The following PPP2R3A variants were observed in gnomAD, a reference collection of about 807,000 sequenced individuals.
PPP2R3A encodes protein phosphatase 2 regulatory subunit B''alpha.
Under a neutral mutation model 106.9 loss-of-function variants are expected in PPP2R3A, and 80 were observed. The ratio of observed to expected loss-of-function variants is 0.75; its 90% CI spans 0.62 to 0.90. The LOEUF is 0.90. PPP2R3A is among the 40% of genes least tolerant of loss of function. The pLI, the probability that PPP2R3A is intolerant of heterozygous loss-of-function variation, is 0.00. For synonymous variants in PPP2R3A, 483 were observed against 468.3 expected, an observed-to-expected ratio of 1.03 and a Z score of -0.41; for missense variants, 1,386 against 1,350.4, an observed-to-expected ratio of 1.03 and a Z score of -0.41.
chr3:136,144,362 T>A (rs1939011087), intron 13 of PPP2R3A, among the ~76,000 whole-genome samples: 1 of 152,132 alleles, frequency 6.6e-6, no homozygotes, highest in African/African-American at 2.4e-5. Context: ...ATCTGAGAGT[T>A]GAGAAAGTTT....
rs141025141 is a variant in PPP2R3A, at chr3:136,096,456, T to C, written c.2928-5551T>C. 2.7e-3 allele frequency among the ~76,000 whole-genome samples: 407 copies of C among 152,320 alleles called. 7 individuals carry two copies. The East Asian group carries it at 0.048, about 18-fold the overall frequency. ...GAGGTAGATATGGGAAGAATCTGGG[T>C]AGATTGTTTTCTGTGGACAAACTCT... On this transcript the variant is annotated intron_variant, in intron 10 of 13. Transcript: ENST00000264977.
intron 1 of PPP2R3A, among the ~76,000 whole-genome samples, chr3:135,998,154 G>A (rs1261832681): frequency 2.6e-5 from 4 of 152,088 alleles, no homozygotes; most frequent in East Asian, 3.9e-4. Context: ...CTTGTACTTC[G>A]GCATTCACTG....
In PPP2R3A at chr3:135,969,344, C is replaced by T. The variant is rs183418948; in HGVS notation, c.-441+3495C>T. Among the ~76,000 whole-genome samples, 139 of 151,920 alleles carry T rather than the reference C, an allele frequency of 9.1e-4. 2 individuals are homozygous for T. Among genetic ancestry groups the T allele is most frequent in the Admixed American group, 8.7e-3 (132 of 15,252 alleles). On this transcript the variant is annotated intron_variant, in intron 1 of 13. Coordinates refer to ENST00000264977, the MANE Select transcript of PPP2R3A (RefSeq NM_002718.5). The stretch of plus-strand genomic sequence containing the variant: ...ATATTCATGAGATATATTTAGGAGG[C>T]GTAATTGATAGGATTTGGTGGTTGA...
At chr3:136,018,913 A>T (rs1348027458) in intron 2 of PPP2R3A, among the ~76,000 whole-genome samples, 1 of 152,210 alleles carries the variant, frequency 6.6e-6, no homozygotes, top group Non-Finnish European at 1.5e-5. Flanking sequence ...GGAGAAAGAT[A>T]TATGGAATGG....
chr3:136,030,203 G>A (rs1934818942), intron 3 of PPP2R3A, among the ~76,000 whole-genome samples: 1 of 149,186 alleles, frequency 6.7e-6, no homozygotes, highest in Admixed American at 6.6e-5. Context: ...GGGTGACAGA[G>A]TGAGAACCTG....
intron 6 of PPP2R3A, 71 bp from the exon 7 acceptor site, chr3:136,078,295 TA>T: frequency 9.6e-7 from 1 of 1,040,540 alleles, no homozygotes; most frequent in Non-Finnish European, 1.5e-6. Context: ...AGTATGTTCA[TA>T]AAATGGCCTT....
intron 3 of PPP2R3A, among the ~76,000 whole-genome samples, chr3:136,028,540 C>G (rs1576445572): frequency 6.6e-6 from 1 of 152,232 alleles, no homozygotes; most frequent in African/African-American, 2.4e-5. Context: ...TAACTTCTAG[C>G]ACAGTGCTGT....
rs566327202 is a variant in PPP2R3A at position 136,011,033 on chromosome 3, C to T, written c.1995+7540C>T. On this transcript the variant is annotated intron_variant, in intron 2 of 13. Transcript: ENST00000264977. ...TTCCAGTTCCTCCTCTAGCCCTCCT[C>T]TTTCTAAATATACCAGACATATTCC... Among the ~76,000 whole-genome samples, 4 of 152,260 alleles carry T rather than the reference C, an allele frequency of 2.6e-5. No homozygotes were observed. In the East Asian group the frequency reaches 7.7e-4, roughly 29 times the overall value.
intron 6 of PPP2R3A, among the ~76,000 whole-genome samples, chr3:136,077,102 A>G (rs1489784681): frequency 2.6e-5 from 4 of 152,160 alleles, no homozygotes; most frequent in African/African-American, 9.7e-5. Context: ...TGGCAGTGGG[A>G]GCACAGAAGG....
Position 135,990,984 on chromosome 3 carries a change from A to G in PPP2R3A, c.-440-10075A>G, listed in dbSNP as rs16843602. 7.3e-3 allele frequency among the ~76,000 whole-genome samples: 1,115 copies of G among 152,018 alleles called. 12 individuals are homozygous for G. The highest frequency in any genetic ancestry group is 0.026 in the African/African-American group (1,092 of 41,470). On this transcript the variant is annotated intron_variant, in intron 1 of 13. Transcript: ENST00000264977. ...AGCCTGTCTTCAAACTTGAGACTCA[A>G]ATAATACCAAGTTCCTGCTAGCTCC...
chr3:136,068,320 A>G (rs961315595), intron 5 of PPP2R3A, among the ~76,000 whole-genome samples: 33 of 152,204 alleles, frequency 2.2e-4, no homozygotes, highest in Middle Eastern at 3.4e-3. Context: ...ATTATAACCC[A>G]TAGAATGAAA....
chr3:136,003,398 C>A lies in PPP2R3A; in HGVS notation c.1900C>A (p.Gln634Lys), dbSNP rs1559863347. ...ACAGGAAACCTTGACAACTTCCTCCCAGGCCAATTTATCAGTCTGTAGAAG... is the reference window on the plus strand; with the variant it reads ...ACAGGAAACCTTGACAACTTCCTCCAAGGCCAATTTATCAGTCTGTAGAAG... Reference protein sequence around the residue: ...ILQETLTTSSQANLSVCRSPV... With the variant: ...ILQETLTTSSKANLSVCRSPV... The change falls in exon 2 of 14, where the codon CAG becomes AAG. Residue 634 changes from glutamine (Q) to lysine (K), a missense_variant. Coordinates refer to ENST00000264977, the MANE Select transcript of PPP2R3A (RefSeq NM_002718.5). 6.2e-7 allele frequency: 1 copy of A among 1,613,850 alleles called. No homozygotes were observed. The highest frequency in any genetic ancestry group is 1.7e-5 in the Admixed American group (1 of 59,978).
chr3:136,045,136 C>T (rs1935428326), intron 4 of PPP2R3A, among the ~76,000 whole-genome samples: 1 of 152,208 alleles, frequency 6.6e-6, no homozygotes, highest in South Asian at 2.1e-4. Flanking sequence ...CCCTGTCCAC[C>T]AGCCCCTCCC....
intron 1 of PPP2R3A, among the ~76,000 whole-genome samples, chr3:135,989,990 T>G (rs1168042255): frequency 6.6e-6 from 1 of 152,214 alleles, no homozygotes; most frequent in African/African-American, 2.4e-5. Flanking sequence ...TGATCTTTGC[T>G]TTCCTCTTTG....
chr3:136,062,494 T>C (rs1403018163), intron 5 of PPP2R3A, among the ~76,000 whole-genome samples: 1 of 151,888 alleles, frequency 6.6e-6, no homozygotes, highest in Non-Finnish European at 1.5e-5. Context: ...GAGGCCAAGG[T>C]GTGCAGATCA....
At chr3:136,008,183 C>G (rs1400372897) in intron 2 of PPP2R3A, among the ~76,000 whole-genome samples, 1 of 152,204 alleles carries the variant, frequency 6.6e-6, no homozygotes, top group Non-Finnish European at 1.5e-5. Flanking sequence ...AAACACTTTT[C>G]TCTCTTTACT....
chr3:135,995,123 T>C (rs114777644), intron 1 of PPP2R3A, among the ~76,000 whole-genome samples: 1,857 of 152,292 alleles, frequency 0.012, 40 homozygotes, highest in African/African-American at 0.043. Context: ...AAACAGACTC[T>C]GGCCCTTTGT....
intron 5 of PPP2R3A, among the ~76,000 whole-genome samples, chr3:136,061,499 G>C (rs924607336): frequency 2.0e-5 from 3 of 152,106 alleles, no homozygotes; most frequent in African/African-American, 7.2e-5. Context: ...GTGGTGGCAC[G>C]TACCTACAGT....
rs759785232 is a variant in PPP2R3A at position 136,102,061 on chromosome 3, G to A, written c.2982G>A (p.Met994Ile). 2 of 1,614,008 alleles carry A rather than the reference G, an allele frequency of 1.2e-6. No homozygotes were observed. The highest frequency in any genetic ancestry group is 1.7e-6 in the Non-Finnish European group (2 of 1,179,922). ...TGGATGGAGACGGTGTACTCTCCAT[G>A]TATGAGCTGGAGTACTTCTATGAGG... ...MDVDGDGVLSMYELEYFYEEQ... is the reference protein window; with the variant it reads ...MDVDGDGVLSIYELEYFYEEQ... Residue 994 changes from methionine to isoleucine, a missense_variant, in exon 11 of 14, where the codon ATG becomes ATA. Met to Ile is a conservative substitution (Grantham distance 10). Coordinates refer to ENST00000264977, the MANE Select transcript of PPP2R3A (RefSeq NM_002718.5).
Sources: allele counts gnomAD v4.1 joint callset (sites outside exome capture counted in the v4.1 genomes callset), GRCh38; gene constraint gnomAD v4.1.1; transcripts MANE v1.5; gene names NCBI Gene and HGNC (gene_info 2026-07-23, HGNC 2026-07-21).